The following DIP2C variants were observed in gnomAD, a reference collection of about 807,000 sequenced individuals.
DIP2C encodes disco-interacting protein 2 homolog C.
A neutral mutation model predicts 192.4 loss-of-function variants in DIP2C; 33 were observed. The observed-to-expected ratio is 0.17, with a 90% confidence interval of 0.13 to 0.23. DIP2C has a LOEUF of 0.23. Ranked by LOEUF, DIP2C falls within the 10% of genes least tolerant of loss-of-function variation. The probability of loss-of-function intolerance (pLI) is 1.00; values close to 1 mark genes in which losing one functional copy is unlikely to be tolerated. For missense variants in DIP2C, 1,537 were observed against 2,110.1 expected, an observed-to-expected ratio of 0.73 and a Z score of 5.32; for synonymous variants, 979 against 864.1, an observed-to-expected ratio of 1.13 and a Z score of -2.33.
chr10:332,499 A>G (rs558004610), intron 29 of DIP2C, among the ~76,000 whole-genome samples: 1 of 152,298 alleles, frequency 6.6e-6, no homozygotes, highest in African/African-American at 2.4e-5. Context: ...ACCTCACTCA[A>G]TACAGCAAAT....
At chr10:293,744 A>G (rs1174881611) in intron 32 of DIP2C, among the ~76,000 whole-genome samples, 1 of 152,250 alleles carries the variant, frequency 6.6e-6, no homozygotes, top group African/African-American at 2.4e-5. Context: ...GTGCTTAAAA[A>G]TAACAGGCAT....
chr10:362,570 C>T lies in DIP2C; in HGVS notation c.2714G>A (p.Gly905Asp). The change falls in exon 22 of 37, where the codon GGC (glycine) becomes GAC (aspartate). Residue 905 changes from glycine to aspartate, a missense_variant. This residue lies in a region of DIP2C where 677 missense variants were observed against 989.9 expected (regional missense o/e 0.68). Coordinates refer to ENST00000280886, the MANE Select transcript of DIP2C (RefSeq NM_014974.3). The part of the protein sequence containing the change: ...LSETKQLFLE[G>D]SLHPCNVLMC... ...TAGGACATTGCAGGGGTGCAGAGAGCCCTCCAGAAAAAGCTGTTTTGTTTC... is the reference window on the plus strand; with the variant it reads ...TAGGACATTGCAGGGGTGCAGAGAGTCCTCCAGAAAAAGCTGTTTTGTTTC... The T allele has an allele frequency of 1.2e-6, 2 of 1,614,096 alleles. No individual in the cohort carries two copies. Among genetic ancestry groups the T allele is most frequent in the South Asian group, 2.2e-5 (2 of 91,076 alleles).
chr10:511,714 G>A (rs575213387), intron 1 of DIP2C, among the ~76,000 whole-genome samples: 13 of 152,238 alleles, frequency 8.5e-5, no homozygotes, highest in Admixed American at 3.3e-4. Context: ...GAAGGGTGGC[G>A]GCTCCGAGCT....
intron 1 of DIP2C, among the ~76,000 whole-genome samples, chr10:548,286 T>C (rs1187812342): frequency 1.5e-5 from 2 of 136,220 alleles, no homozygotes; most frequent in Non-Finnish European, 3.1e-5. Flanking sequence ...GTGCCCTCTC[T>C]GGAGTTGTCG....
chr10:524,302 G>A (rs1484598580), intron 1 of DIP2C, among the ~76,000 whole-genome samples: 1 of 152,190 alleles, frequency 6.6e-6, no homozygotes, highest in Non-Finnish European at 1.5e-5. Context: ...GAACGCGGGA[G>A]GCACACTTCA....
chr10:513,016 G>A (rs1588353767), intron 1 of DIP2C, among the ~76,000 whole-genome samples: 1 of 151,374 alleles, frequency 6.6e-6, no homozygotes, highest in African/African-American at 2.4e-5. Flanking sequence ...GCACACATCT[G>A]CAGTGGGGCC....
At chr10:506,404 T>G (rs920573251) in intron 1 of DIP2C, among the ~76,000 whole-genome samples, 1 of 152,032 alleles carries the variant, frequency 6.6e-6, no homozygotes, top group East Asian at 1.9e-4. Context: ...GGAGAGGCAG[T>G]TGGGAAATCT....
At chr10:665,235 C>T (rs1309941553) in intron 1 of DIP2C, 1 of 152,086 alleles carries the variant, frequency 6.6e-6, no homozygotes, top group Non-Finnish European at 1.5e-5. Context: ...TACATATATA[C>T]CTTAACCGTG....
Position 286,297 on chromosome 10 carries a change from C to G in DIP2C, c.4095G>C (p.Pro1365=), listed in dbSNP as rs771830563. ...IIIANPETKG[P]LGDSHLGEIW... ...CCTCTCCAAGGTGTGAGTCCCCCAGCGGTCCTTTTGTTTCTGGGTTGGCAA... is the reference window on the plus strand; with the variant it reads ...CCTCTCCAAGGTGTGAGTCCCCCAGGGGTCCTTTTGTTTCTGGGTTGGCAA... The change falls in exon 34 of 37, where the codon CCG becomes CCC. Residue 1365 remains proline, a synonymous_variant. Coordinates refer to ENST00000280886, the MANE Select transcript of DIP2C (RefSeq NM_014974.3). 1 of 1,614,050 alleles carries G rather than the reference C, an allele frequency of 6.2e-7. No homozygotes were observed. The highest frequency in any genetic ancestry group is 8.5e-7 in the Non-Finnish European group (1 of 1,180,002).
At chr10:399,360 T>C in intron 9 of DIP2C, 141 bp from the exon 10 acceptor site, 1 of 632,634 alleles carries the variant, frequency 1.6e-6, no homozygotes. Flanking sequence ...GTAAGCTGTG[T>C]TTTAATAAGC....
chr10:613,839 CCT>C (rs1037739931), intron 1 of DIP2C, among the ~76,000 whole-genome samples: 3 of 151,866 alleles, frequency 2.0e-5, no homozygotes, highest in Non-Finnish European at 2.9e-5. Context: ...TCCACACACC[CCT>C]GCTTTGGTTC....
intron 1 of DIP2C, among the ~76,000 whole-genome samples, chr10:554,620 CCCCACTG>C (rs1228373141): frequency 6.6e-6 from 1 of 152,258 alleles, no homozygotes; most frequent in Non-Finnish European, 1.5e-5. Flanking sequence ...CCCTTCTCCT[CCCCACTG>C]CCCTGTTCCC....
chr10:453,116 T>C (rs892149567), intron 3 of DIP2C, among the ~76,000 whole-genome samples: 5 of 152,186 alleles, frequency 3.3e-5, no homozygotes, highest in African/African-American at 9.6e-5. Context: ...AAAACAAATA[T>C]TCCCTTGAAA....
intron 1 of DIP2C, among the ~76,000 whole-genome samples, chr10:539,244 C>G (rs1832942258): frequency 1.3e-5 from 2 of 152,186 alleles, no homozygotes; most frequent in Admixed American, 1.3e-4. Context: ...ATTTATTTTG[C>G]TTCTAGAGTT....
chr10:336,891 G>GACTGGTGTGTGTGT, intron 29 of DIP2C, among the ~76,000 whole-genome samples: 1 of 94,354 alleles, frequency 1.1e-5, no homozygotes, highest in Non-Finnish European at 2.2e-5. Context: ...TGGAGGCCTA[G>GACTGGTGTGTGTGT]GCAGGTGTGT....
chr10:495,138 A>C (rs1844725490), intron 1 of DIP2C, among the ~76,000 whole-genome samples: 1 of 152,208 alleles, frequency 6.6e-6, no homozygotes, highest in African/African-American at 2.4e-5. Context: ...AAATACAAAT[A>C]CTGCATGATC....
intron 31 of DIP2C, among the ~76,000 whole-genome samples, chr10:323,216 C>T (rs1286352451): frequency 5.8e-4 from 14 of 23,996 alleles, no homozygotes; most frequent in Admixed American, 1.4e-3. Context: ...GGCGAGAGAC[C>T]GGCGTTGTTA....
At chr10:324,464 A>G (rs371593657) in intron 31 of DIP2C, among the ~76,000 whole-genome samples, 22 of 152,162 alleles carry the variant, frequency 1.4e-4, no homozygotes, top group Non-Finnish European at 3.2e-4. Context: ...TTTGTACATA[A>G]ATTTAATTTC....
At chr10:311,613 G>C in intron 31 of DIP2C, 1 of 1,229,384 alleles carries the variant, frequency 8.1e-7, no homozygotes, top group Non-Finnish European at 1.0e-6. Context: ...GAGAACACCA[G>C]ACAACAGAAA....
Sources: gnomAD v4.1 joint callset for allele counts (sites outside exome capture counted in the v4.1 genomes callset) on GRCh38, gnomAD v4.1.1 for gene constraint, gnomAD v4.1.1 regional missense constraint, MANE v1.5 for transcripts, NCBI Gene and HGNC (gene_info 2026-07-23, HGNC 2026-07-21) for gene names.